The following FUT9 variants were observed in gnomAD, a reference collection of about 807,000 sequenced individuals.
The protein encoded by FUT9 is 4-galactosyl-N-acetylglucosaminide 3-alpha-L-fucosyltransferase 9.
In FUT9, 15 loss-of-function variants were observed where a neutral mutation model predicts 29.7. That is an observed-to-expected ratio of 0.51 (90% CI 0.34 to 0.78). FUT9 has a LOEUF of 0.78. Ranked by LOEUF, FUT9 falls within the 30% of genes least tolerant of loss-of-function variation. FUT9 has a pLI of 0.01. For synonymous variants in FUT9, 169 were observed against 153.7 expected (o/e 1.10, Z -0.74); for missense variants, 319 against 425.4 (o/e 0.75, Z 2.20).
At chr6:96,142,983 T>C (rs1297581586) in intron 2 of FUT9, among the ~76,000 whole-genome samples, 1 of 152,212 alleles carries the variant, frequency 6.6e-6, no homozygotes. Context: ...TAAAAGCCTG[T>C]GGTTTTGATA....
chr6:96,072,676 T>C (rs1253952210), intron 1 of FUT9, among the ~76,000 whole-genome samples: 1 of 152,212 alleles, frequency 6.6e-6, no homozygotes, highest in Non-Finnish European at 1.5e-5. Flanking sequence ...AAGGCAACTT[T>C]TTTTTCTATC....
chr6:96,183,183 T>C (rs1291737903), intron 2 of FUT9, among the ~76,000 whole-genome samples: 1 of 152,068 alleles, frequency 6.6e-6, no homozygotes, highest in African/African-American at 2.4e-5. Context: ...TCCTAAGTAT[T>C]TCATTTTTTT....
intron 2 of FUT9, among the ~76,000 whole-genome samples, chr6:96,130,972 T>A (rs1173701090): frequency 6.6e-6 from 1 of 152,158 alleles, no homozygotes; most frequent in Non-Finnish European, 1.5e-5. Flanking sequence ...ATAGTGGTCG[T>A]CCCTGCTTAT....
intron 2 of FUT9, among the ~76,000 whole-genome samples, chr6:96,185,536 G>A (rs950263197): frequency 1.3e-5 from 2 of 152,052 alleles, no homozygotes; most frequent in African/African-American, 4.8e-5. Context: ...AGAGAACTTC[G>A]ATTTTATTTA....
At chr6:96,056,335 T>C (rs1770767023) in intron 1 of FUT9, among the ~76,000 whole-genome samples, 1 of 152,198 alleles carries the variant, frequency 6.6e-6, no homozygotes, top group Admixed American at 6.5e-5. Context: ...GTCATACATA[T>C]GAGATCTAGA....
intron 1 of FUT9, among the ~76,000 whole-genome samples, chr6:96,040,299 A>G (rs1770437886): frequency 6.6e-6 from 1 of 152,156 alleles, no homozygotes; most frequent in East Asian, 1.9e-4. Context: ...CCTACAATAA[A>G]TTCATTTATT....
chr6:96,024,478 T>C (rs1413539452), intron 1 of FUT9, among the ~76,000 whole-genome samples: 5 of 151,908 alleles, frequency 3.3e-5, no homozygotes, highest in Admixed American at 3.3e-4. Context: ...TACTCTATAT[T>C]GGGAGCAGGA....
chr6:96,150,802 A>G (rs1772661975), intron 2 of FUT9, among the ~76,000 whole-genome samples: 1 of 152,168 alleles, frequency 6.6e-6, no homozygotes. Flanking sequence ...AGCTGTGTGG[A>G]GCTGACCTGA....
At chr6:96,193,686 G>C (rs995640610) in intron 2 of FUT9, among the ~76,000 whole-genome samples, 2 of 151,894 alleles carry the variant, frequency 1.3e-5, no homozygotes, top group Non-Finnish European at 2.9e-5. Context: ...CATTTGACCT[G>C]GCAATCCTGT....
chr6:96,032,697 T>G (rs754400679), intron 1 of FUT9, among the ~76,000 whole-genome samples: 2 of 151,500 alleles, frequency 1.3e-5, no homozygotes, highest in Non-Finnish European at 3.0e-5. Flanking sequence ...TCACCCATAT[T>G]TCCTTTTCAG....
intron 1 of FUT9, among the ~76,000 whole-genome samples, chr6:96,094,347 C>G (rs2127954737): frequency 6.6e-6 from 1 of 152,130 alleles, no homozygotes; most frequent in African/African-American, 2.4e-5. Flanking sequence ...GTTCAAGTAA[C>G]CTTTCTTTTA....
intron 2 of FUT9, among the ~76,000 whole-genome samples, chr6:96,182,878 C>A (rs1409606148): frequency 6.6e-6 from 1 of 152,024 alleles, no homozygotes; most frequent in Non-Finnish European, 1.5e-5. Context: ...TAATGTGATG[C>A]CTCCAGATTT....
At chr6:96,100,194 G>C (rs1771562573) in intron 1 of FUT9, among the ~76,000 whole-genome samples, 1 of 149,388 alleles carries the variant, frequency 6.7e-6, no homozygotes, top group South Asian at 2.1e-4. Flanking sequence ...TGTCCTCAAA[G>C]GAATTATTAC....
intron 2 of FUT9, among the ~76,000 whole-genome samples, chr6:96,135,504 T>A (rs1399630930): frequency 1.3e-5 from 2 of 151,956 alleles, no homozygotes; most frequent in Admixed American, 6.6e-5. Flanking sequence ...GCCAGCCAAT[T>A]TAATTATTCT....
At chr6:96,063,450 C>A (rs1373784934) in intron 1 of FUT9, among the ~76,000 whole-genome samples, 2 of 152,048 alleles carry the variant, frequency 1.3e-5, no homozygotes, top group Non-Finnish European at 1.5e-5. Flanking sequence ...ACAATCAGAT[C>A]TCATGTGAAC....
At chr6:96,018,345 A>T (rs894078388) in intron 1 of FUT9, among the ~76,000 whole-genome samples, 2 of 152,186 alleles carry the variant, frequency 1.3e-5, no homozygotes, top group African/African-American at 4.8e-5. Context: ...ATGTATTCTA[A>T]TATAATTCCA....
chr6:96,158,849 T>C (rs1772841010), intron 2 of FUT9, among the ~76,000 whole-genome samples: 1 of 152,152 alleles, frequency 6.6e-6, no homozygotes, highest in South Asian at 2.1e-4. Flanking sequence ...ATTTGTTAAA[T>C]TATTTTTAAG....
At chr6:96,097,087 T>A (rs2127955549) in intron 1 of FUT9, among the ~76,000 whole-genome samples, 1 of 152,174 alleles carries the variant, frequency 6.6e-6, no homozygotes, top group South Asian at 2.1e-4. Context: ...GGATCCAAAG[T>A]CAAAGCACAG....
intron 2 of FUT9, among the ~76,000 whole-genome samples, chr6:96,129,082 C>T (rs1172064533): frequency 1.4e-5 from 2 of 146,524 alleles, no homozygotes; most frequent in African/African-American, 5.0e-5. Flanking sequence ...ACGGTGAAAC[C>T]CTGTCTCTAC....
Sources: gnomAD v4.1 joint callset for allele counts (sites outside exome capture counted in the v4.1 genomes callset) on GRCh38, gnomAD v4.1.1 for gene constraint, MANE v1.5 for transcripts, NCBI Gene and HGNC (gene_info 2026-07-23, HGNC 2026-07-21) for gene names.